MGAT5B: variants seen among roughly 807,000 people sequenced by gnomAD.
MGAT5B encodes alpha-1,6-mannosylglycoprotein 6-beta-N-acetylglucosaminyltransferase B.
MGAT5B carries 54 observed loss-of-function variants against 95.1 expected under a neutral mutation model. The observed-to-expected ratio is 0.57, with a 90% CI of 0.46 to 0.71. The LOEUF is 0.71. Ranked by LOEUF, MGAT5B falls within the 30% of genes least tolerant of loss-of-function variation. MGAT5B has a pLI of 0.00. For synonymous variants in MGAT5B, 464 were observed against 451.0 expected, an observed-to-expected ratio of 1.03 and a Z score of -0.36; for missense variants, 935 against 1,088.6, an observed-to-expected ratio of 0.86 and a Z score of 1.99.
At position 76,870,219 on chromosome 17, in the gene MGAT5B, G is replaced by A. The variant is rs1233883427; in HGVS notation, c.68+1122G>A. Among the ~76,000 whole-genome samples the A allele has an allele frequency of 6.6e-6, 1 of 152,188 alleles. No homozygotes were observed. The highest frequency in any genetic ancestry group is 1.5e-5 in the Non-Finnish European group (1 of 68,008). On this transcript the variant is annotated intron_variant, in intron 1 of 17. Coordinates refer to ENST00000569840, the MANE Select transcript of MGAT5B (RefSeq NM_001199172.2). This position sits in a 1 kb window ranked among gnomAD's most constrained non-coding sequence, Gnocchi z 5.0. ...GGGCGGGGAGACGGTGGCTCACCTG[G>A]AGCCCGCCTCCCAGCACACCGGGCC...
intron 2 of MGAT5B, among the ~76,000 whole-genome samples, chr17:76,879,970 G>C (rs1476490399): frequency 6.6e-6 from 1 of 152,158 alleles, no homozygotes; most frequent in African/African-American, 2.4e-5. Flanking sequence ...AGGCTGGAGA[G>C]ACCTGAGTTA....
At position 76,912,863 on chromosome 17, in the gene MGAT5B, A is replaced by T. The variant is rs1344814411; in HGVS notation, c.1025+6676A>T. ...GCCTGCCCAGCCGCTGCATCCTGAG[A>T]CGGCCTCGTGCATGTGCAGGTCCAG... On this transcript the variant is annotated intron_variant, in intron 8 of 17. Transcript: ENST00000569840. The surrounding 1 kb of genome is among the most constrained non-coding windows in gnomAD (Gnocchi z 5.0). Among the ~76,000 whole-genome samples, 1 of 152,112 alleles carries T rather than the reference A, an allele frequency of 6.6e-6. No individual in the cohort carries two copies. Among genetic ancestry groups the T allele is most frequent in the Non-Finnish European group, 1.5e-5 (1 of 68,016 alleles).
intron 3 of MGAT5B, among the ~76,000 whole-genome samples, chr17:76,901,708 T>TA (rs1467477437): frequency 6.6e-6 from 1 of 152,232 alleles, no homozygotes; most frequent in African/African-American, 2.4e-5. Flanking sequence ...ACCGGAGTTT[T>TA]AATACCTGGC....
Position 76,916,336 on chromosome 17 carries a change from C to G in MGAT5B, c.1026-8630C>G, listed in dbSNP as rs1968937519. 6.6e-6 allele frequency among the ~76,000 whole-genome samples: 1 copy of G among 152,260 alleles called. No individual in the cohort carries two copies. Among genetic ancestry groups the G allele is most frequent in the African/African-American group, 2.4e-5 (1 of 41,470 alleles). The stretch of plus-strand genomic sequence containing the variant: ...CCCCCGGCCAAGTCTGAACATTGAC[C>G]AATAAGCAAGACCGATGGAGGCCGT... On this transcript the variant is annotated intron_variant, in intron 8 of 17. Transcript: ENST00000569840. This position sits in a 1 kb window ranked among gnomAD's most constrained non-coding sequence, Gnocchi z 5.3.
intron 2 of MGAT5B, 80 bp downstream of exon 2, chr17:76,873,043 C>T: frequency 6.6e-7 from 1 of 1,512,834 alleles, no homozygotes; most frequent in Admixed American, 1.8e-5. Context: ...GAGCCTAGCC[C>T]TGTACCTGGC....
At chr17:76,882,423 GC>G in intron 3 of MGAT5B, 125 bp downstream of exon 3, 1 of 1,128,770 alleles carries the variant, frequency 8.9e-7, no homozygotes, top group Non-Finnish European at 1.2e-6. Flanking sequence ...CTGTGGTACA[GC>G]CCAGAGTGCA....
intron 11 of MGAT5B, 130 bp downstream of exon 11, chr17:76,932,905 C>A: frequency 7.2e-7 from 1 of 1,389,216 alleles, no homozygotes; most frequent in African/African-American, 1.5e-5. Context: ...GAAATGTCTC[C>A]CATGAACCAG....
At chr17:76,881,540 A>G (rs1200205503) in intron 2 of MGAT5B, among the ~76,000 whole-genome samples, 1 of 152,206 alleles carries the variant, frequency 6.6e-6, no homozygotes, top group Non-Finnish European at 1.5e-5. Flanking sequence ...CAGGCTCCCA[A>G]CTTCCCTGCA....
chr17:76,932,832 T>C, intron 11 of MGAT5B, 57 bp downstream of exon 11: 2 of 1,595,094 alleles, frequency 1.3e-6, no homozygotes, highest in South Asian at 1.1e-5. Context: ...GGCCCCCGCC[T>C]GGGTCCCGCA....
At position 76,948,784 on chromosome 17, in the gene MGAT5B, C is replaced by T. The variant is rs149358018; in HGVS notation, c.2325C>T (p.Cys775=). The change falls in exon 18 of 18, where the codon TGC becomes TGT. Residue 775 remains cysteine, a synonymous_variant. Coordinates refer to ENST00000569840, the MANE Select transcript of MGAT5B (RefSeq NM_001199172.2). The part of the protein sequence containing the change: ...AGSNTKYRRL[C]PCRDFRKGQV... ...CCAACACCAAGTACCGCCGGCTCTG[C>T]CCCTGCCGCGACTTCCGCAAGGGCC... 6.2e-6 allele frequency: 10 copies of T among 1,609,140 alleles called. No homozygotes were observed. In the African/African-American group the frequency reaches 1.2e-4, roughly 19 times the overall value.
Position 76,914,612 on chromosome 17 carries a change from T to C in MGAT5B, c.1025+8425T>C, listed in dbSNP as rs1391846234. 6.6e-6 allele frequency among the ~76,000 whole-genome samples: 1 copy of C among 151,346 alleles called. No homozygotes were observed. Among genetic ancestry groups the C allele is most frequent in the Non-Finnish European group, 1.5e-5 (1 of 67,938 alleles). On this transcript the variant is annotated intron_variant, in intron 8 of 17. Coordinates refer to ENST00000569840, the MANE Select transcript of MGAT5B (RefSeq NM_001199172.2). The surrounding 1 kb of genome is among the most constrained non-coding windows in gnomAD (Gnocchi z 5.1). ...ACGTCCACATCTCTTCCTCCCTCCA[T>C]GCATGACTCTGTGTCCACATTTCTT...
chr17:76,944,601 G>A (rs1442901193), intron 15 of MGAT5B, among the ~76,000 whole-genome samples: 1 of 152,180 alleles, frequency 6.6e-6, no homozygotes, highest in African/African-American at 2.4e-5. Flanking sequence ...GGGCTTCAAG[G>A]CTGGGCTGGG....
intron 12 of MGAT5B, among the ~76,000 whole-genome samples, chr17:76,936,097 G>T (rs534432040): frequency 6.6e-6 from 1 of 151,682 alleles, no homozygotes; most frequent in African/African-American, 2.4e-5. Flanking sequence ...ACTGCGCCTG[G>T]CCTTGTCTTT....
intron 13 of MGAT5B, among the ~76,000 whole-genome samples, chr17:76,939,287 T>C (rs1367769863): frequency 6.6e-5 from 10 of 151,864 alleles, no homozygotes; most frequent in Admixed American, 5.9e-4. Flanking sequence ...ATCACGAGGT[T>C]AGGATATCGA....
rs948136340 is a variant in MGAT5B at position 76,948,628 on chromosome 17, G to A, written c.2181-12G>A. On this transcript the variant is annotated splice_polypyrimidine_tract_variant and intron_variant, in intron 17 of 17. Coordinates refer to ENST00000569840, the MANE Select transcript of MGAT5B (RefSeq NM_001199172.2). The stretch of plus-strand genomic sequence containing the variant: ...CCAACGCTGAGTGACGGTGCTGTGT[G>A]GTCCCTGCCAGGCTGCAGGTGCCCT... The A allele has an allele frequency of 5.0e-6, 8 of 1,607,228 alleles. No individual in the cohort carries two copies. Among genetic ancestry groups the A allele is most frequent in the Non-Finnish European group, 6.8e-6 (8 of 1,177,484 alleles).
chr17:76,946,815 A>G (rs970724389), intron 16 of MGAT5B, among the ~76,000 whole-genome samples: 2 of 152,228 alleles, frequency 1.3e-5, no homozygotes, highest in Admixed American at 6.5e-5. Flanking sequence ...CTCTCCGCCC[A>G]CCTGCTAAGG....
At chr17:76,919,003 T>C (rs930581254) in intron 8 of MGAT5B, among the ~76,000 whole-genome samples, 2 of 152,186 alleles carry the variant, frequency 1.3e-5, no homozygotes, top group African/African-American at 4.8e-5. Flanking sequence ...ATTTTTAGCT[T>C]AGAAGAGACC....
In MGAT5B at chr17:76,889,647, ATAAT is replaced by A. The variant is rs965863706; in HGVS notation, c.329+7354_329+7357del. ...GAAGTAATAATTATTAATCATCATA[ATAAT>A]TAATGATGATAATAATCAATGACAA... On this transcript the variant is annotated intron_variant, in intron 3 of 17. Transcript: ENST00000569840. The surrounding 1 kb of genome is among the most constrained non-coding windows in gnomAD (Gnocchi z 4.4). Among the ~76,000 whole-genome samples the A allele has an allele frequency of 3.3e-4, 50 of 152,186 alleles. No homozygotes were observed. The highest frequency in any genetic ancestry group is 1.1e-3 in the African/African-American group (47 of 41,458).
chr17:76,902,780 C>A (rs1567803790), intron 4 of MGAT5B, 110 bp downstream of exon 4: 1 of 862,838 alleles, frequency 1.2e-6, no homozygotes, highest in East Asian at 2.7e-5. Context: ...CTTCTCCTGA[C>A]AGCAGCTCTG....
Sources: gnomAD v4.1 joint callset for allele counts (sites outside exome capture counted in the v4.1 genomes callset) on GRCh38, gnomAD v4.1.1 for gene constraint, Gnocchi (gnomAD v3.1) non-coding constraint, MANE v1.5 for transcripts, NCBI Gene and HGNC (gene_info 2026-07-23, HGNC 2026-07-21) for gene names.